Variants in DIPK1A observed in about 807,000 individuals in gnomAD.
The protein encoded by DIPK1A is family with sequence similarity 69 member A.
DIPK1A carries 27 observed loss-of-function variants against 40.8 expected under a neutral mutation model. That is an observed-to-expected ratio of 0.66 (90% CI 0.49 to 0.91). The LOEUF (loss-of-function observed/expected upper bound fraction) is 0.91. DIPK1A is among the 40% of genes least tolerant of loss of function. DIPK1A has a pLI of 0.00. For synonymous variants in DIPK1A, 166 were observed against 171.3 expected (o/e 0.97, Z 0.24); for missense variants, 412 against 505.7 (o/e 0.81, Z 1.78).
intron 2 of DIPK1A, among the ~76,000 whole-genome samples, chr1:92,855,215 T>C (rs1000543357): frequency 6.6e-6 from 1 of 152,126 alleles, no homozygotes; most frequent in African/African-American, 2.4e-5. Context: ...CAGAAATATT[T>C]AGAAGTGAAC....
chr1:92,895,438 T>G (rs1649116207), intron 1 of DIPK1A, among the ~76,000 whole-genome samples: 1 of 152,070 alleles, frequency 6.6e-6, no homozygotes, highest in Admixed American at 6.5e-5. Flanking sequence ...GAAAAGGCCT[T>G]TGACAAAATT....
intron 2 of DIPK1A, among the ~76,000 whole-genome samples, chr1:92,868,965 T>TAAAA (rs33962424): frequency 0.64 from 86,812 of 135,996 alleles, 27,744 homozygotes; most frequent in South Asian, 0.79. Context: ...GACTCAATCT[T>TAAAA]AAAAAAAAAA....
At chr1:92,851,287 T>C (rs992323478) in intron 2 of DIPK1A, among the ~76,000 whole-genome samples, 9 of 152,066 alleles carry the variant, frequency 5.9e-5, no homozygotes, top group African/African-American at 2.2e-4. Context: ...CTCACGCTTG[T>C]AATCCCAGCA....
At chr1:92,839,309 G>A (rs994713474), downstream of DIPK1A, among the ~76,000 whole-genome samples, 2 of 151,994 alleles carry the variant, frequency 1.3e-5, no homozygotes, top group African/African-American at 4.8e-5. Flanking sequence ...CACTGAGCTG[G>A]GATCGCGCTA....
Position 92,902,679 on chromosome 1 carries a change from T to G in DIPK1A, c.55-26249A>C, listed in dbSNP as rs1014358532. 3.3e-5 allele frequency among the ~76,000 whole-genome samples: 5 copies of G among 152,156 alleles called. No individual in the cohort carries two copies. In the East Asian group the frequency reaches 9.6e-4, roughly 29 times the overall value. Reference sequence around the variant, plus strand: ...TGCTAAGATCTTCTTGCTTACCTCCTCACTGCAGGGAGAAATTTCCCCTGG... The same window carrying G: ...TGCTAAGATCTTCTTGCTTACCTCCGCACTGCAGGGAGAAATTTCCCCTGG... On this transcript the variant is annotated intron_variant, in intron 1 of 4. Transcript: ENST00000370310.
At chr1:92,946,876 T>A (rs60684469) in intron 1 of DIPK1A, among the ~76,000 whole-genome samples, 4,563 of 150,080 alleles carry the variant, frequency 0.03, 199 homozygotes, top group African/African-American at 0.1. Context: ...CCTGCGATGT[T>A]GAAGCGGCAG....
At chr1:92,937,546 T>G (rs1007863133) in intron 1 of DIPK1A, among the ~76,000 whole-genome samples, 2 of 152,204 alleles carry the variant, frequency 1.3e-5, no homozygotes, top group Non-Finnish European at 2.9e-5. Flanking sequence ...CAGCCTCCTT[T>G]TGGGCTAGGA....
At chr1:92,953,223 G>A (rs899568993) in intron 1 of DIPK1A, among the ~76,000 whole-genome samples, 1 of 147,664 alleles carries the variant, frequency 6.8e-6, no homozygotes, top group Non-Finnish European at 1.5e-5. Context: ...GCTCACGCCC[G>A]TGAGAATGGT....
chr1:92,833,751 G>A, intron 4 of DIPK1A: 1 of 977,612 alleles, frequency 1.0e-6, no homozygotes, highest in South Asian at 1.3e-5. Flanking sequence ...TAGAAGGGCT[G>A]TCTAGCACCT....
intron 1 of DIPK1A, among the ~76,000 whole-genome samples, chr1:92,919,579 T>C (rs9651257): frequency 0.35 from 52,739 of 152,114 alleles, 9,613 homozygotes; most frequent in African/African-American, 0.37. Context: ...TGCTTTCCTC[T>C]GTGCTATCTC....
intron 4 of DIPK1A, among the ~76,000 whole-genome samples, chr1:92,844,577 A>G (rs1006702493): frequency 2.6e-5 from 4 of 152,216 alleles, no homozygotes; most frequent in Non-Finnish European, 4.4e-5. Context: ...CAAAGTTACA[A>G]TAAGGGTCAA....
At chr1:92,913,205 T>C (rs947305745) in intron 1 of DIPK1A, among the ~76,000 whole-genome samples, 4 of 152,202 alleles carry the variant, frequency 2.6e-5, no homozygotes, top group African/African-American at 9.7e-5. Flanking sequence ...GGTGTTAGCT[T>C]TCTAATTGCA....
intron 1 of DIPK1A, among the ~76,000 whole-genome samples, chr1:92,886,614 T>C (rs572715117): frequency 1.3e-5 from 2 of 152,168 alleles, no homozygotes; most frequent in South Asian, 2.1e-4. Context: ...ATTTTTATTA[T>C]TTCCAATATT....
intron 1 of DIPK1A, among the ~76,000 whole-genome samples, chr1:92,888,275 A>G (rs1648704036): frequency 6.6e-6 from 1 of 152,110 alleles, no homozygotes; most frequent in South Asian, 2.1e-4. Flanking sequence ...CATGTGAGTA[A>G]GATCATGCAG....
At position 92,835,660 on chromosome 1, in the gene DIPK1A, CAAAAAAA is replaced by C. The variant is rs11417383; in HGVS notation, c.475-2633_475-2627del. Among the ~76,000 whole-genome samples the C allele has an allele frequency of 1.2e-4, 15 of 123,402 alleles. No individual in the cohort carries two copies. The Admixed American group carries it at 1.3e-3, about 11-fold the overall frequency. 81.0% of individuals were successfully genotyped at this position (123,402 alleles called of 152,430 possible). A position where few individuals can be genotyped will look rare whatever the true frequency, so the allele number is the denominator to read the frequency against. On this transcript the variant is annotated intron_variant, in intron 4 of 4. Coordinates refer to the DIPK1A transcript ENST00000615519. ...GGGCAACAAGAGCGAAACTGTGTCTCAAAAAAAAAAAAAAAAAAATGAGAATCTTAGT... is the reference window on the plus strand; with the variant it reads ...GGGCAACAAGAGCGAAACTGTGTCTCAAAAAAAAAAAATGAGAATCTTAGT...
At chr1:92,905,298 A>G (rs1367616892) in intron 1 of DIPK1A, among the ~76,000 whole-genome samples, 1 of 152,102 alleles carries the variant, frequency 6.6e-6, no homozygotes, top group Non-Finnish European at 1.5e-5. Flanking sequence ...CTTTTTATCT[A>G]CATCCTTGCC....
At chr1:92,887,947 T>C (rs1648688023) in intron 1 of DIPK1A, among the ~76,000 whole-genome samples, 1 of 151,936 alleles carries the variant, frequency 6.6e-6, no homozygotes, top group Non-Finnish European at 1.5e-5. Context: ...TTTTTTTAAA[T>C]TAGGTAAGAA....
chr1:92,861,388 G>A (rs576977219), intron 2 of DIPK1A, among the ~76,000 whole-genome samples: 2 of 143,644 alleles, frequency 1.4e-5, no homozygotes, highest in African/African-American at 5.2e-5. Context: ...GTGCAATGGC[G>A]TGATCTCGGC....
chr1:92,914,594 C>A (rs1385234025), intron 1 of DIPK1A, among the ~76,000 whole-genome samples: 2 of 151,206 alleles, frequency 1.3e-5, no homozygotes, highest in East Asian at 3.9e-4. Context: ...CATGGTGAAA[C>A]CCCGTCTCTA....
Sources: allele counts gnomAD v4.1 joint callset (sites outside exome capture counted in the v4.1 genomes callset), GRCh38; gene constraint gnomAD v4.1.1; transcripts MANE v1.5; gene names NCBI Gene and HGNC (gene_info 2026-07-23, HGNC 2026-07-21).